EYS: variants seen among roughly 807,000 people sequenced by gnomAD.
EYS encodes the protein protein eyes shut homolog.
EYS carries 250 observed loss-of-function variants against 282.1 expected under a neutral mutation model. The ratio of observed to expected loss-of-function variants is 0.89; its 90% CI spans 0.80 to 0.98. EYS has a LOEUF of 0.98. EYS is among the 50% of genes least tolerant of loss of function. EYS has a pLI of 0.00. For missense variants in EYS, 4,016 were observed against 3,709.0 expected (o/e 1.08, Z -2.15); for synonymous variants, 1,355 against 1,282.9 (o/e 1.06, Z -1.20).
intron 40 of EYS, among the ~76,000 whole-genome samples, chr6:63,777,220 A>G (rs1770087604): frequency 6.6e-6 from 1 of 152,146 alleles, no homozygotes; most frequent in Non-Finnish European, 1.5e-5. Context: ...CAGGGAGAGT[A>G]AGAGATTCAC....
intron 36 of EYS, among the ~76,000 whole-genome samples, chr6:63,857,132 T>G (rs1772414080): frequency 6.6e-6 from 1 of 152,332 alleles, no homozygotes; most frequent in Non-Finnish European, 1.5e-5. Context: ...ATCATTTTGC[T>G]TCACCATCTT....
At chr6:64,758,026 G>A (rs1198849462) in intron 22 of EYS, among the ~76,000 whole-genome samples, 2 of 151,978 alleles carry the variant, frequency 1.3e-5, no homozygotes, top group African/African-American at 4.8e-5. Context: ...TGCCCGCCTC[G>A]GCCTCCCAAA....
At position 65,245,348 on chromosome 6, in the gene EYS, A is replaced by G. The variant is rs568020063; in HGVS notation, c.2023+50515T>C. ...GATTACCTATTTTTCCAAAAATGTA[A>G]TCAGTTTTTATTTATCTATGCTTCA... On this transcript the variant is annotated intron_variant, in intron 12 of 42. Transcript: ENST00000503581. 2.9e-3 allele frequency among the ~76,000 whole-genome samples: 436 copies of G among 152,338 alleles called. 1 individual carries two copies. Among genetic ancestry groups the G allele is most frequent in the Non-Finnish European group, 5.0e-3 (340 of 68,034 alleles).
At chr6:64,138,754 A>C (rs1774244568) in intron 31 of EYS, among the ~76,000 whole-genome samples, 1 of 152,172 alleles carries the variant, frequency 6.6e-6, no homozygotes, top group African/African-American at 2.4e-5. Flanking sequence ...TGGAAAATTC[A>C]CATATAGGAC....
chr6:65,176,214 T>C (rs541613287), intron 12 of EYS, among the ~76,000 whole-genome samples: 1 of 151,560 alleles, frequency 6.6e-6, no homozygotes, highest in Non-Finnish European at 1.5e-5. Flanking sequence ...CTAAAACTTT[T>C]TATCCCTTGA....
At chr6:65,389,942 A>C (rs1437527416) in intron 7 of EYS, among the ~76,000 whole-genome samples, 5 of 152,102 alleles carry the variant, frequency 3.3e-5, no homozygotes, top group African/African-American at 1.2e-4. Context: ...TGCAGGGGGT[A>C]CTAGACACAG....
intron 19 of EYS, among the ~76,000 whole-genome samples, chr6:64,874,461 G>T (rs1422381160): frequency 1.3e-5 from 2 of 152,002 alleles, no homozygotes; most frequent in East Asian, 1.9e-4. Flanking sequence ...CCATACCTGG[G>T]CTTTGGGCAC....
chr6:63,744,002 A>C (rs1277820625), intron 41 of EYS: 1 of 152,200 alleles, frequency 6.6e-6, no homozygotes, highest in African/African-American at 2.4e-5. Flanking sequence ...GTTATGAGGC[A>C]GCATCTTTTG....
chr6:64,439,790 C>T (rs1198868784), intron 26 of EYS, among the ~76,000 whole-genome samples: 1 of 151,746 alleles, frequency 6.6e-6, no homozygotes, highest in African/African-American at 2.4e-5. Context: ...TTTGTATTAA[C>T]ACTCTAAATT....
intron 12 of EYS, among the ~76,000 whole-genome samples, chr6:65,128,905 C>A (rs758040676): frequency 6.6e-6 from 1 of 151,972 alleles, no homozygotes; most frequent in Non-Finnish European, 1.5e-5. Context: ...CATTACCCAA[C>A]CTCAGACTAT....
intron 22 of EYS, among the ~76,000 whole-genome samples, chr6:64,791,819 C>T (rs7744712): frequency 0.021 from 3,176 of 151,884 alleles, 111 homozygotes; most frequent in African/African-American, 0.072. Flanking sequence ...TCCAGAATGT[C>T]ATTTAAATTA....
At chr6:65,632,063 G>A (rs1344332338) in intron 2 of EYS, among the ~76,000 whole-genome samples, 2 of 152,068 alleles carry the variant, frequency 1.3e-5, no homozygotes, top group Non-Finnish European at 2.9e-5. Flanking sequence ...CGTAATAGAA[G>A]TGGGATTCAA....
intron 22 of EYS, among the ~76,000 whole-genome samples, chr6:64,774,054 T>G (rs1307864529): frequency 1.3e-5 from 2 of 151,934 alleles, no homozygotes; most frequent in Non-Finnish European, 2.9e-5. Context: ...TGGAGCATTT[T>G]TGTTTACTTC....
chr6:63,966,951 T>C, intron 35 of EYS, among the ~76,000 whole-genome samples: 1 of 152,212 alleles, frequency 6.6e-6, no homozygotes, highest in East Asian at 1.9e-4. Flanking sequence ...AGGACTTTTA[T>C]ATATGTATAT....
At chr6:65,331,090 C>G in intron 11 of EYS, 7 of 984,046 alleles carry the variant, frequency 7.1e-6, no homozygotes, top group Non-Finnish European at 8.4e-6. Context: ...TTCATCAGAT[C>G]CCACCCCATT....
intron 28 of EYS, among the ~76,000 whole-genome samples, chr6:64,413,837 G>T (rs938180967): frequency 4.6e-5 from 7 of 152,104 alleles, no homozygotes; most frequent in African/African-American, 1.7e-4. Flanking sequence ...CCAAGTTGAT[G>T]GTATTAGGAT....
intron 12 of EYS, among the ~76,000 whole-genome samples, chr6:65,154,085 C>T (rs1554161479): frequency 6.6e-6 from 1 of 151,768 alleles, no homozygotes; most frequent in Non-Finnish European, 1.5e-5. Flanking sequence ...AAATCCTTCA[C>T]AATATTTTAA....
chr6:64,291,437 TAGTTTC>T (rs1446576894), intron 30 of EYS, among the ~76,000 whole-genome samples: 1 of 152,074 alleles, frequency 6.6e-6, no homozygotes, highest in Non-Finnish European at 1.5e-5. Flanking sequence ...AAACTGAAAA[TAGTTTC>T]ATTTTCCTGA....
At chr6:65,388,245 C>T (rs1253473152) in intron 7 of EYS, among the ~76,000 whole-genome samples, 1 of 151,966 alleles carries the variant, frequency 6.6e-6, no homozygotes, top group Non-Finnish European at 1.5e-5. Context: ...TGCTATACCT[C>T]TATCCTAGAA....
Sources: gnomAD v4.1 joint callset for allele counts (sites outside exome capture counted in the v4.1 genomes callset) on GRCh38, gnomAD v4.1.1 for gene constraint, MANE v1.5 for transcripts, NCBI Gene and HGNC (gene_info 2026-07-23, HGNC 2026-07-21) for gene names.